Variants in SLCO1A2 observed in about 807,000 individuals in gnomAD.
The protein encoded by SLCO1A2 is OATP-1.
SLCO1A2 carries 67 observed loss-of-function variants against 69.0 expected under a neutral mutation model. The observed-to-expected ratio is 0.97, with a 90% CI of 0.80 to 1.19. SLCO1A2 has a LOEUF of 1.19. Among genes scored for constraint, SLCO1A2 ranks in the 50% most tolerant of loss-of-function variants. SLCO1A2 has a pLI of 0.00. For synonymous variants in SLCO1A2, 260 were observed against 265.9 expected (o/e 0.98, Z 0.22); for missense variants, 787 against 793.7 (o/e 0.99, Z 0.10).
chr12:21,343,019 T>A (rs747730788), intron 2 of SLCO1A2, among the ~76,000 whole-genome samples: 2 of 152,082 alleles, frequency 1.3e-5, no homozygotes, highest in African/African-American at 4.8e-5. Flanking sequence ...GTATGTCCTG[T>A]GGGCAGTAGG....
At chr12:21,396,829 T>C (rs1283994207), upstream of SLCO1A2, among the ~76,000 whole-genome samples, 2 of 150,074 alleles carry the variant, frequency 1.3e-5, no homozygotes, top group African/African-American at 4.9e-5. Flanking sequence ...TGCTGAGAGA[T>C]TTTGTCACCA....
chr12:21,348,062 T>A (rs919106789), intron 2 of SLCO1A2, among the ~76,000 whole-genome samples: 2 of 152,186 alleles, frequency 1.3e-5, no homozygotes, highest in African/African-American at 4.8e-5. Context: ...TTTCTCTTTT[T>A]CCATATTTTA....
intron 4 of SLCO1A2, among the ~76,000 whole-genome samples, chr12:21,312,616 T>G (rs1950359182): frequency 1.3e-5 from 2 of 152,158 alleles, no homozygotes; most frequent in Admixed American, 1.3e-4. Context: ...CAACTCTTTC[T>G]TTCACTTCAA....
upstream of SLCO1A2, among the ~76,000 whole-genome samples, chr12:21,399,863 AC>A (rs1941626841): frequency 1.4e-5 from 2 of 147,538 alleles, no homozygotes; most frequent in Admixed American, 6.8e-5. Flanking sequence ...TACACCTTAT[AC>A]AAAAATCAAT....
chr12:21,374,702 G>A (rs184271853), intron 1 of SLCO1A2, among the ~76,000 whole-genome samples: 2 of 152,198 alleles, frequency 1.3e-5, no homozygotes, highest in East Asian at 1.9e-4. Flanking sequence ...ATGATGACAG[G>A]AAAATCAGTA....
At chr12:21,303,563 G>A (rs1182829420) in intron 6 of SLCO1A2, among the ~76,000 whole-genome samples, 1 of 152,006 alleles carries the variant, frequency 6.6e-6, no homozygotes, top group African/African-American at 2.4e-5. Context: ...TACATTAATG[G>A]CAAAATGTCC....
intron 2 of SLCO1A2, chr12:21,373,384 TG>T (rs1939941547): frequency 5.6e-6 from 9 of 1,613,678 alleles, no homozygotes; most frequent in Non-Finnish European, 7.6e-6. Context: ...TATTTCTCAT[TG>T]TGCTCTCTGT....
chr12:21,290,559 G>A (rs145151238), intron 12 of SLCO1A2, among the ~76,000 whole-genome samples: 17 of 152,098 alleles, frequency 1.1e-4, no homozygotes, highest in African/African-American at 3.4e-4. Flanking sequence ...GAAAAAGGAC[G>A]TATTATATAC....
chr12:21,338,049 G>A (rs969585303), upstream of SLCO1A2, among the ~76,000 whole-genome samples: 4 of 151,966 alleles, frequency 2.6e-5, no homozygotes, highest in Non-Finnish European at 4.4e-5. Context: ...AATAGACCAA[G>A]CAACAGAAAA....
rs114170545 is a variant in SLCO1A2 at position 21,382,213 on chromosome 12, G to A, written c.-189-7688C>T. Among the ~76,000 whole-genome samples the A allele has an allele frequency of 8.3e-3, 1,268 of 152,236 alleles. 22 individuals carry two copies. The highest frequency in any genetic ancestry group is 0.029 in the African/African-American group (1,222 of 41,524). On this transcript the variant is annotated intron_variant, in intron 1 of 15. Coordinates refer to the SLCO1A2 transcript ENST00000307378. ...GGAGCTGGAGACCATTATTCTAAGC[G>A]AAGTAACAACAAGAGTGGAAAACCA...
At chr12:21,317,161 T>TTAA (rs1950982224) in intron 3 of SLCO1A2, among the ~76,000 whole-genome samples, 2 of 152,098 alleles carry the variant, frequency 1.3e-5, no homozygotes, top group South Asian at 4.2e-4. Flanking sequence ...CACAGAAAGG[T>TTAA]TAATAATCCC....
At chr12:21,301,806 T>C (rs1474949171) in intron 6 of SLCO1A2, among the ~76,000 whole-genome samples, 1 of 152,200 alleles carries the variant, frequency 6.6e-6, no homozygotes, top group Non-Finnish European at 1.5e-5. Flanking sequence ...TTATTTTCCA[T>C]GTCCATCAGT....
intron 2 of SLCO1A2, among the ~76,000 whole-genome samples, chr12:21,360,536 T>A (rs1938758040): frequency 6.6e-6 from 1 of 152,162 alleles, no homozygotes; most frequent in South Asian, 2.1e-4. Context: ...ACCAGGTTCA[T>A]CTCACTGGGG....
At chr12:21,280,961 C>T (rs569726381) in intron 12 of SLCO1A2, among the ~76,000 whole-genome samples, 2 of 152,012 alleles carry the variant, frequency 1.3e-5, no homozygotes, top group South Asian at 2.1e-4. Flanking sequence ...TATACAAACA[C>T]GTGGAAATTG....
At chr12:21,300,182 G>C (rs1257682257) in intron 8 of SLCO1A2, among the ~76,000 whole-genome samples, 166 bp downstream of exon 8, 1 of 151,738 alleles carries the variant, frequency 6.6e-6, no homozygotes, top group South Asian at 2.1e-4. Context: ...TTATTTTCAA[G>C]TAGTACCATA....
At chr12:21,319,537 A>C in intron 2 of SLCO1A2, 2 of 1,164,166 alleles carry the variant, frequency 1.7e-6, no homozygotes, top group Non-Finnish European at 2.4e-6. Context: ...AGTTGTGTCT[A>C]AGGCATATAA....
At chr12:21,343,826 G>T (rs1453099072) in intron 2 of SLCO1A2, among the ~76,000 whole-genome samples, 3 of 152,010 alleles carry the variant, frequency 2.0e-5, no homozygotes, top group African/African-American at 4.8e-5. Context: ...CATTTGCATT[G>T]GAATGGAAAT....
At chr12:21,371,259 A>G (rs1252795474) in intron 2 of SLCO1A2, among the ~76,000 whole-genome samples, 2 of 152,120 alleles carry the variant, frequency 1.3e-5, no homozygotes, top group African/African-American at 4.8e-5. Context: ...GCTGCTTTCC[A>G]TTGGCCCTGT....
chr12:21,312,372 A>G (rs983655218), intron 4 of SLCO1A2, among the ~76,000 whole-genome samples: 4 of 152,180 alleles, frequency 2.6e-5, no homozygotes, highest in Non-Finnish European at 5.9e-5. Flanking sequence ...GCTCAAGGGA[A>G]TGTTGTGGCT....
Sources: allele counts gnomAD v4.1 joint callset (sites outside exome capture counted in the v4.1 genomes callset), GRCh38; gene constraint gnomAD v4.1.1; transcripts MANE v1.5; gene names NCBI Gene and HGNC (gene_info 2026-07-23, HGNC 2026-07-21).